Variants in PLD1 observed in about 807,000 individuals in gnomAD.
The protein encoded by PLD1 is choline phosphatase 1.
Under a neutral mutation model 137.1 loss-of-function variants are expected in PLD1, and 112 were observed. The observed-to-expected ratio is 0.82, with a 90% confidence interval of 0.70 to 0.96. The LOEUF (loss-of-function observed/expected upper bound fraction) is 0.96. Ranked by LOEUF, PLD1 falls within the 40% of genes least tolerant of loss-of-function variation. The pLI, the probability that PLD1 is intolerant of heterozygous loss-of-function variation, is 0.00. For missense variants in PLD1, 1,321 were observed against 1,342.0 expected, an observed-to-expected ratio of 0.98 and a Z score of 0.24; for synonymous variants, 431 against 454.7, an observed-to-expected ratio of 0.95 and a Z score of 0.66.
intron 21 of PLD1, chr3:171,653,986 G>A (rs903457266): frequency 3.0e-5 from 8 of 268,874 alleles, no homozygotes; most frequent in Non-Finnish European, 5.9e-5. Flanking sequence ...TCCCAGTGTG[G>A]TATTTCCCAT....
Position 171,676,748 on chromosome 3 carries a change from T to C in PLD1, c.2082A>G (p.Ala694=). 6.2e-7 allele frequency: 1 copy of C among 1,614,114 alleles called. No homozygotes were observed. The highest frequency in any genetic ancestry group is 1.1e-5 in the South Asian group (1 of 91,072). The change falls in exon 18 of 27, where the codon GCA becomes GCG. Residue 694 remains alanine, a synonymous_variant. Coordinates refer to ENST00000351298, the MANE Select transcript of PLD1 (RefSeq NM_002662.5). ...AGTTCCAGCGCTGGATGAAGTGACG[T>C]GCCACATCACGAGCCGCCTTCCCGT... ...AVHGKAARDV[A]RHFIQRWNFT...
intron 24 of PLD1, among the ~76,000 whole-genome samples, chr3:171,615,774 G>A (rs1192388197): frequency 2.6e-5 from 4 of 152,176 alleles, no homozygotes; most frequent in Non-Finnish European, 4.4e-5. Context: ...ATTGATGGAT[G>A]TTTGGGTTGC....
intron 1 of PLD1, among the ~76,000 whole-genome samples, chr3:171,749,018 T>C (rs1275873682): frequency 6.6e-6 from 1 of 151,960 alleles, no homozygotes; most frequent in Non-Finnish European, 1.5e-5. Context: ...AAAACACTGC[T>C]ACAAACTTCT....
intron 23 of PLD1, among the ~76,000 whole-genome samples, chr3:171,620,742 C>CTCTCTCTCTATATA (rs1473647659): frequency 1.1e-4 from 10 of 94,782 alleles, no homozygotes; most frequent in African/African-American, 3.0e-4. Context: ...CTCTCTCTCT[C>CTCTCTCTCTATATA]TATATATATA....
At chr3:171,677,431 CCAAAG>C in intron 17 of PLD1, 130 bp downstream of exon 17, 1 of 817,950 alleles carries the variant, frequency 1.2e-6, no homozygotes, top group Non-Finnish European at 1.9e-6. Context: ...AATCTAGTCT[CCAAAG>C]TTTTAAAAAA....
chr3:171,799,106 C>T lies in PLD1; in HGVS notation c.-32+11293G>A, dbSNP rs558215279. On this transcript the variant is annotated intron_variant, in intron 1 of 26. Coordinates refer to ENST00000351298, the MANE Select transcript of PLD1 (RefSeq NM_002662.5). ...CTGTAATCCCAGCACTTCGGGAGGCCGAGGCAGGTGGATCACAAGGTCAGG... is the reference window on the plus strand; with the variant it reads ...CTGTAATCCCAGCACTTCGGGAGGCTGAGGCAGGTGGATCACAAGGTCAGG... Among the ~76,000 whole-genome samples the T allele has an allele frequency of 2.6e-4, 39 of 152,136 alleles. No individual in the cohort carries two copies. The South Asian group carries it at 3.7e-3, about 15-fold the overall frequency.
intron 16 of PLD1, among the ~76,000 whole-genome samples, chr3:171,684,833 T>C (rs10755128): frequency 0.41 from 62,261 of 152,074 alleles, 13,023 homozygotes; most frequent in Non-Finnish European, 0.43. Context: ...GCAATCCTCC[T>C]GCTTCAGCCT....
chr3:171,603,545 A>T (rs974829819), intron 26 of PLD1, among the ~76,000 whole-genome samples: 4 of 152,178 alleles, frequency 2.6e-5, no homozygotes, highest in Non-Finnish European at 5.9e-5. Context: ...AAATTACACT[A>T]ATGTTACCCC....
intron 23 of PLD1, among the ~76,000 whole-genome samples, chr3:171,620,777 ATT>A (rs200988699): frequency 1.6e-5 from 2 of 127,014 alleles, no homozygotes; most frequent in East Asian, 4.3e-4. Flanking sequence ...TATTATATAT[ATT>A]TTTTTTTTAA....
intron 21 of PLD1, 58 bp from the exon 22 acceptor site, chr3:171,645,081 A>G: frequency 1.9e-6 from 2 of 1,065,510 alleles, no homozygotes; most frequent in Non-Finnish European, 2.9e-6. Context: ...TATCAATTTT[A>G]GATGACAGCC....
At position 171,793,016 on chromosome 3, in the gene PLD1, C is replaced by T. The variant is rs542850562; in HGVS notation, c.-32+17383G>A. The T allele has an allele frequency of 2.9e-5, 8 of 275,216 alleles. No homozygotes were observed. The East Asian group carries it at 4.6e-4, about 16-fold the overall frequency. The allele number at this position is 275,216 out of a possible 1,614,324, so 17.0% of individuals were successfully genotyped here. ...AAGGAGACTTGCATTGAAGGTCCTA[C>T]GGATCCACGTGGGAACACAAACCAG... On this transcript the variant is annotated intron_variant, in intron 1 of 26. Transcript: ENST00000351298.
intron 15 of PLD1, among the ~76,000 whole-genome samples, chr3:171,687,132 T>G (rs1714646037): frequency 6.6e-6 from 1 of 152,242 alleles, no homozygotes; most frequent in African/African-American, 2.4e-5. Flanking sequence ...CTGCTACCAT[T>G]AGAAGTGGTA....
At chr3:171,659,496 A>G (rs1251919454) in intron 20 of PLD1, among the ~76,000 whole-genome samples, 195 bp from the exon 21 acceptor site, 1 of 152,248 alleles carries the variant, frequency 6.6e-6, no homozygotes, top group East Asian at 1.9e-4. Context: ...ATTCCAGGTC[A>G]TATCACCTGT....
intron 8 of PLD1, among the ~76,000 whole-genome samples, chr3:171,715,439 G>A (rs764208750): frequency 6.6e-6 from 1 of 152,110 alleles, no homozygotes; most frequent in Non-Finnish European, 1.5e-5. Context: ...GCTCAGGATT[G>A]CTTTGGCTGT....
chr3:171,748,775 G>A (rs1258540637), intron 1 of PLD1, among the ~76,000 whole-genome samples: 1 of 150,590 alleles, frequency 6.6e-6, no homozygotes, highest in Non-Finnish European at 1.5e-5. Context: ...CTGTCTTTCT[G>A]TGTCTCAGAT....
At chr3:171,623,481 AT>A (rs5854440) in intron 23 of PLD1, among the ~76,000 whole-genome samples, 90,111 of 145,884 alleles carry the variant, frequency 0.62, 28,038 homozygotes, top group South Asian at 0.82. Context: ...CGCCTTGCTA[AT>A]TTTTTTTTTT....
intron 9 of PLD1, among the ~76,000 whole-genome samples, chr3:171,712,705 GGCAATGACATACGGGTAAGT>G (rs1717361470): frequency 6.6e-6 from 1 of 152,168 alleles, no homozygotes; most frequent in African/African-American, 2.4e-5. Context: ...GGCCTCATTT[GGCAATGACATACGGGTAAGT>G]GAGGGTGGGA....
intron 20 of PLD1, among the ~76,000 whole-genome samples, chr3:171,659,880 A>AG (rs2108431958): frequency 6.6e-6 from 1 of 152,308 alleles, no homozygotes; most frequent in African/African-American, 2.4e-5. Context: ...CATATATATA[A>AG]GCCAGTTAAT....
intron 1 of PLD1, among the ~76,000 whole-genome samples, chr3:171,777,918 C>T (rs1468839207): frequency 6.6e-6 from 1 of 152,172 alleles, no homozygotes; most frequent in African/African-American, 2.4e-5. Flanking sequence ...ATAGTGATGG[C>T]ATTTAACTTT....
Sources: gnomAD v4.1 joint callset for allele counts (sites outside exome capture counted in the v4.1 genomes callset) on GRCh38, gnomAD v4.1.1 for gene constraint, MANE v1.5 for transcripts, NCBI Gene and HGNC (gene_info 2026-07-23, HGNC 2026-07-21) for gene names.